RSRC1: variants seen among roughly 807,000 people sequenced by gnomAD.
RSRC1 encodes serine/Arginine-related protein 53.
In RSRC1, 39 loss-of-function variants were observed where a neutral mutation model predicts 49.1. The ratio of observed to expected loss-of-function variants is 0.79; its 90% CI spans 0.61 to 1.04. The LOEUF is 1.04. RSRC1 is among the 50% of genes least tolerant of loss of function. The probability of loss-of-function intolerance (pLI) is 0.00; values close to 1 mark genes in which losing one functional copy is unlikely to be tolerated. For synonymous variants in RSRC1, 143 were observed against 130.8 expected (o/e 1.09, Z -0.63); for missense variants, 388 against 402.4 (o/e 0.96, Z 0.31).
In RSRC1 at chr3:158,325,019, A is replaced by G. The variant is rs547996404; in HGVS notation, c.531+26944A>G. ...ATTGTTTCATGTGTCTGTTGGCTGCATAAATGTCTTCTTTTGAGAAGTGTC... is the reference window on the plus strand; with the variant it reads ...ATTGTTTCATGTGTCTGTTGGCTGCGTAAATGTCTTCTTTTGAGAAGTGTC... On this transcript the variant is annotated intron_variant, in intron 5 of 9. Transcript: ENST00000611884. 3.1e-4 allele frequency among the ~76,000 whole-genome samples: 47 copies of G among 152,332 alleles called. No homozygotes were observed. In the South Asian group the frequency reaches 4.8e-3, roughly 15 times the overall value.
At chr3:158,183,859 T>C (rs920620098) in intron 3 of RSRC1, among the ~76,000 whole-genome samples, 21 of 152,120 alleles carry the variant, frequency 1.4e-4, no homozygotes, top group Non-Finnish European at 2.2e-4. Flanking sequence ...GAAGCTGCAG[T>C]GATCATGGCA....
intron 4 of RSRC1, chr3:158,276,223 G>A (rs1407369045): frequency 2.6e-6 from 2 of 778,762 alleles, no homozygotes; most frequent in Admixed American, 1.7e-5. Context: ...CCACCATGGC[G>A]AATACGAATC....
intron 6 of RSRC1, among the ~76,000 whole-genome samples, chr3:158,387,064 A>G (rs1054685093): frequency 2.0e-5 from 3 of 152,074 alleles, no homozygotes; most frequent in African/African-American, 7.2e-5. Flanking sequence ...TCTTTGTGAC[A>G]TTTTCATTAA....
At chr3:158,198,808 C>T (rs918582054) in intron 3 of RSRC1, among the ~76,000 whole-genome samples, 8 of 152,036 alleles carry the variant, frequency 5.3e-5, no homozygotes, top group South Asian at 2.1e-4. Context: ...CTTGGCTCCA[C>T]CCCCCGCAAG....
chr3:158,197,058 A>G (rs1720670345), intron 3 of RSRC1, among the ~76,000 whole-genome samples: 1 of 152,164 alleles, frequency 6.6e-6, no homozygotes, highest in Admixed American at 6.5e-5. Context: ...ATTGATTGGA[A>G]TAGTTTCAGA....
chr3:158,194,727 A>G (rs1000425795), intron 3 of RSRC1, among the ~76,000 whole-genome samples: 1 of 136,512 alleles, frequency 7.3e-6, no homozygotes, highest in Non-Finnish European at 1.5e-5. Context: ...ATTCCCACCT[A>G]TGAGTAAGAA....
At chr3:158,462,205 T>C (rs1340801507) in intron 7 of RSRC1, among the ~76,000 whole-genome samples, 2 of 151,938 alleles carry the variant, frequency 1.3e-5, no homozygotes, top group Non-Finnish European at 2.9e-5. Context: ...GATTCCTCAG[T>C]AGAATTACCT....
intron 7 of RSRC1, among the ~76,000 whole-genome samples, chr3:158,494,684 A>C (rs1327397870): frequency 6.6e-6 from 1 of 152,076 alleles, no homozygotes; most frequent in Admixed American, 6.5e-5. Context: ...CATTTCCTCT[A>C]TTTGCAGTTT....
At chr3:158,511,368 G>C (rs1221572478) in intron 7 of RSRC1, among the ~76,000 whole-genome samples, 1 of 152,006 alleles carries the variant, frequency 6.6e-6, no homozygotes, top group Non-Finnish European at 1.5e-5. Context: ...GTGAGAATAT[G>C]TGGTGTTTGC....
chr3:158,264,400 TC>T (rs1294933622), intron 4 of RSRC1, among the ~76,000 whole-genome samples: 1 of 152,218 alleles, frequency 6.6e-6, no homozygotes, highest in Non-Finnish European at 1.5e-5. Context: ...ATAACTCGAA[TC>T]CTTTTAAATG....
intron 6 of RSRC1, among the ~76,000 whole-genome samples, chr3:158,386,795 A>G (rs1732991078): frequency 6.6e-6 from 1 of 151,758 alleles, no homozygotes; most frequent in Non-Finnish European, 1.5e-5. Context: ...GCATGTTCAC[A>G]GGACCATAAT....
At position 158,197,732 on chromosome 3, in the gene RSRC1, T is replaced by G. The variant is rs540753188; in HGVS notation, c.321-5340T>G. Among the ~76,000 whole-genome samples the G allele has an allele frequency of 1.4e-4, 22 of 152,296 alleles. 4 individuals carry two copies. In the South Asian group the frequency reaches 4.6e-3, roughly 32 times the overall value. ...GTTTCAAAGAACATCTTTATTTCTGTCTTCATTTCGTTATGTACCCAGTAG... is the reference window on the plus strand; with the variant it reads ...GTTTCAAAGAACATCTTTATTTCTGGCTTCATTTCGTTATGTACCCAGTAG... On this transcript the variant is annotated intron_variant, in intron 3 of 9. Coordinates refer to ENST00000611884, the MANE Select transcript of RSRC1 (RefSeq NM_001271838.2).
chr3:158,159,595 G>A (rs1718091556), intron 3 of RSRC1, among the ~76,000 whole-genome samples: 1 of 152,144 alleles, frequency 6.6e-6, no homozygotes, highest in South Asian at 2.1e-4. Context: ...TTTGCAGGGA[G>A]ATGAGTAGTA....
intron 6 of RSRC1, among the ~76,000 whole-genome samples, chr3:158,427,143 G>A (rs1379793486): frequency 1.3e-5 from 2 of 151,346 alleles, no homozygotes; most frequent in Non-Finnish European, 3.0e-5. Context: ...ACACAATGCA[G>A]CCCTTATTAA....
At chr3:158,294,719 A>T (rs1409291705) in intron 4 of RSRC1, among the ~76,000 whole-genome samples, 1 of 151,848 alleles carries the variant, frequency 6.6e-6, no homozygotes, top group Non-Finnish European at 1.5e-5. Flanking sequence ...TAAAAAAAAT[A>T]AATAAATAAC....
At chr3:158,218,237 C>T (rs902480837) in intron 4 of RSRC1, among the ~76,000 whole-genome samples, 1 of 151,572 alleles carries the variant, frequency 6.6e-6, no homozygotes, top group East Asian at 1.9e-4. Context: ...GAAAAGATCA[C>T]TCCAGCTGCA....
chr3:158,491,408 T>G (rs1388939165), intron 7 of RSRC1, among the ~76,000 whole-genome samples: 2 of 152,230 alleles, frequency 1.3e-5, no homozygotes, highest in African/African-American at 4.8e-5. Context: ...TATTACAAGA[T>G]TATCCAGGAG....
At chr3:158,119,290 A>G (rs576892896) in intron 1 of RSRC1, among the ~76,000 whole-genome samples, 58 of 152,266 alleles carry the variant, frequency 3.8e-4, no homozygotes, top group African/African-American at 1.3e-3. Flanking sequence ...AATTCTCTAC[A>G]GTTGCCTGAT....
In RSRC1 at chr3:158,434,675, G is replaced by T. The variant is rs185088514; in HGVS notation, c.584-26260G>T. Among the ~76,000 whole-genome samples the T allele has an allele frequency of 9.0e-4, 137 of 151,970 alleles. 1 individual carries two copies. The highest frequency in any genetic ancestry group is 3.1e-3 in the African/African-American group (129 of 41,494). The stretch of plus-strand genomic sequence containing the variant: ...CAACTTGCAATGTGTGTTACACTTA[G>T]CTCCTGCTCATTACACCTGTAAGAA... On this transcript the variant is annotated intron_variant, in intron 6 of 9. Coordinates refer to ENST00000611884, the MANE Select transcript of RSRC1 (RefSeq NM_001271838.2).
Sources: gnomAD v4.1 joint callset for allele counts (sites outside exome capture counted in the v4.1 genomes callset) on GRCh38, gnomAD v4.1.1 for gene constraint, MANE v1.5 for transcripts, NCBI Gene and HGNC (gene_info 2026-07-23, HGNC 2026-07-21) for gene names.